AKAP6: variants seen among roughly 807,000 people sequenced by gnomAD.
The protein encoded by AKAP6 is A-kinase anchoring protein 6, also known as A-kinase anchor protein 6.
AKAP6 carries 58 observed loss-of-function variants against 188.5 expected under a neutral mutation model. That is an observed-to-expected ratio of 0.31 (90% CI 0.25 to 0.38). The LOEUF (loss-of-function observed/expected upper bound fraction) is 0.38, where lower values mean the gene tolerates loss of function less well. AKAP6 is among the 10% of genes least tolerant of loss of function. The pLI is 1.00. For synonymous variants in AKAP6, 989 were observed against 998.6 expected (o/e 0.99, Z 0.18); for missense variants, 2,710 against 2,740.0 (o/e 0.99, Z 0.24).
At chr14:32,417,611 G>A (rs1479788131) in intron 1 of AKAP6, among the ~76,000 whole-genome samples, 1 of 152,102 alleles carries the variant, frequency 6.6e-6, no homozygotes, top group African/African-American at 2.4e-5. Flanking sequence ...CAAAGTGAGA[G>A]GCTCAATAAA....
intron 3 of AKAP6, among the ~76,000 whole-genome samples, chr14:32,542,001 TA>T (rs1214837785): frequency 2.0e-5 from 3 of 152,206 alleles, no homozygotes; most frequent in Admixed American, 2.0e-4. Flanking sequence ...TTATTAAAAA[TA>T]ATAACGTAAT....
At chr14:32,733,499 A>T (rs1001703747) in intron 10 of AKAP6, 6 of 152,150 alleles carry the variant, frequency 3.9e-5, no homozygotes, top group Admixed American at 2.0e-4. Flanking sequence ...TTTAAAAAAA[A>T]TTTTAGATAA....
At chr14:32,679,241 G>T (rs1889570739) in intron 8 of AKAP6, among the ~76,000 whole-genome samples, 1 of 151,846 alleles carries the variant, frequency 6.6e-6, no homozygotes, top group Admixed American at 6.6e-5. Flanking sequence ...CTTTTTTCCA[G>T]CCCAATTGTA....
rs747393320 is a variant in AKAP6 at position 32,822,916 on chromosome 14, A to G, written c.5103A>G (p.Ser1701=). 10 of 1,613,950 alleles carry G rather than the reference A, an allele frequency of 6.2e-6. No homozygotes were observed. In the South Asian group the frequency reaches 7.7e-5, roughly 12 times the overall value. ...GCAGTGACGAGCTCTCTCTTTGCTC[A>G]GAGGATATTGTGTTACACAAGAACA... The part of the protein sequence containing the change: ...LSSSDELSLC[S]EDIVLHKNKI... The change falls in exon 13 of 14, where the codon TCA becomes TCG. Residue 1701 remains serine, a synonymous_variant. Coordinates refer to ENST00000280979, the MANE Select transcript of AKAP6 (RefSeq NM_004274.5).
intron 1 of AKAP6, among the ~76,000 whole-genome samples, chr14:32,415,064 A>T (rs184285450): frequency 6.6e-6 from 1 of 152,246 alleles, no homozygotes; most frequent in Non-Finnish European, 1.5e-5. Flanking sequence ...GGACAGAGAC[A>T]TAACTGGCAA....
chr14:32,456,619 C>T (rs1004097368), intron 2 of AKAP6, among the ~76,000 whole-genome samples: 17 of 152,138 alleles, frequency 1.1e-4, no homozygotes, highest in African/African-American at 4.1e-4. Flanking sequence ...TACATGTTAT[C>T]ATTCGATAAT....
intron 1 of AKAP6, among the ~76,000 whole-genome samples, chr14:32,380,831 C>T (rs561978224): frequency 3.2e-4 from 49 of 152,232 alleles, no homozygotes; most frequent in South Asian, 6.2e-4. Flanking sequence ...TTTAGAACTT[C>T]GACTTCTCAA....
intron 2 of AKAP6, among the ~76,000 whole-genome samples, chr14:32,441,220 A>G (rs1032438147): frequency 5.3e-5 from 8 of 152,190 alleles, no homozygotes; most frequent in Admixed American, 1.3e-4. Context: ...CTTCTTAGGG[A>G]AGTTGGATAC....
chr14:32,661,069 TG>T (rs1315377923), intron 7 of AKAP6, among the ~76,000 whole-genome samples: 2 of 151,802 alleles, frequency 1.3e-5, no homozygotes, highest in African/African-American at 4.8e-5. Context: ...CATTTCATTT[TG>T]GGAAATGTAG....
At chr14:32,672,473 C>T (rs1889249623) in intron 7 of AKAP6, among the ~76,000 whole-genome samples, 1 of 152,142 alleles carries the variant, frequency 6.6e-6, no homozygotes, top group African/African-American at 2.4e-5. Flanking sequence ...TCACAGATGG[C>T]CACCTTCTTG....
At position 32,834,869 on chromosome 14, in the gene AKAP6, G is replaced by C. The variant is rs1287956425; in HGVS notation, c.*5064G>C. On this transcript the variant is annotated 3_prime_UTR_variant, in exon 14 of 14. Coordinates refer to ENST00000280979, the MANE Select transcript of AKAP6 (RefSeq NM_004274.5). ...CAAGGGTCAGCAAACTGTGGCACGT[G>C]GGCCAAATTCAGCTCGTTGCCTGTT... 1 of 152,162 alleles carries C rather than the reference G, an allele frequency of 6.6e-6. No individual in the cohort carries two copies. Among genetic ancestry groups the C allele is most frequent in the Non-Finnish European group, 1.5e-5 (1 of 68,036 alleles). 9.4% of individuals were successfully genotyped at this position (152,162 alleles called of 1,614,324 possible). A position where few individuals can be genotyped will look rare whatever the true frequency, so the allele number is the denominator to read the frequency against.
intron 2 of AKAP6, among the ~76,000 whole-genome samples, chr14:32,483,897 A>G (rs1390287344): frequency 6.6e-6 from 1 of 151,798 alleles, no homozygotes; most frequent in African/African-American, 2.4e-5. Context: ...CGTCTACATT[A>G]GGTATTTCTC....
intron 1 of AKAP6, among the ~76,000 whole-genome samples, chr14:32,369,641 G>A (rs890349399): frequency 1.3e-5 from 2 of 152,148 alleles, no homozygotes; most frequent in African/African-American, 4.8e-5. Flanking sequence ...TTCCTCAACA[G>A]GTGAGGGAGA....
chr14:32,566,007 A>C (rs1017803063), intron 4 of AKAP6, among the ~76,000 whole-genome samples: 3 of 152,198 alleles, frequency 2.0e-5, no homozygotes, highest in Non-Finnish European at 2.9e-5. Context: ...GCTCCTGAGC[A>C]CTTGGGATGA....
At chr14:32,584,612 A>G (rs1158599453) in intron 5 of AKAP6, among the ~76,000 whole-genome samples, 1 of 152,196 alleles carries the variant, frequency 6.6e-6, no homozygotes, top group Non-Finnish European at 1.5e-5. Context: ...GTTCTTCATG[A>G]CACGTTGTAA....
chr14:32,709,264 C>T (rs1023040341), intron 9 of AKAP6, among the ~76,000 whole-genome samples: 1 of 151,856 alleles, frequency 6.6e-6, no homozygotes, highest in African/African-American at 2.4e-5. Flanking sequence ...TTGAGCTCAC[C>T]AAGTTCAGGA....
At chr14:32,335,832 T>C (rs1012403340) in intron 1 of AKAP6, among the ~76,000 whole-genome samples, 8 of 146,410 alleles carry the variant, frequency 5.5e-5, no homozygotes, top group Non-Finnish European at 1.0e-4. Flanking sequence ...TTTAATACTA[T>C]CCTTTTCTCC....
At chr14:32,481,459 G>A (rs931487802) in intron 2 of AKAP6, among the ~76,000 whole-genome samples, 1 of 152,164 alleles carries the variant, frequency 6.6e-6, no homozygotes, top group African/African-American at 2.4e-5. Flanking sequence ...TGGACTCACG[G>A]TTCTACATGG....
rs11417769 is a variant in AKAP6 at position 32,834,533 on chromosome 14, CTTTTTTTTTT to C, written c.*4740_*4749del. The C allele has an allele frequency of 3.0e-4, 31 of 103,852 alleles. No individual in the cohort carries two copies. Among genetic ancestry groups the C allele is most frequent in the African/African-American group, 1.0e-3 (28 of 27,436 alleles). 6.4% of individuals were successfully genotyped at this position (103,852 alleles called of 1,614,324 possible). On this transcript the variant is annotated 3_prime_UTR_variant, in exon 14 of 14. Transcript: ENST00000280979. ...CACACACTGCTTTTAGTTTCCAAGT[CTTTTTTTTTT>C]TTTTTTTTTTTAAATCTTGCATAGT... is the stretch of plus-strand genomic sequence containing the variant.
Sources: gnomAD v4.1 joint callset for allele counts (sites outside exome capture counted in the v4.1 genomes callset) on GRCh38, gnomAD v4.1.1 for gene constraint, MANE v1.5 for transcripts, NCBI Gene and HGNC (gene_info 2026-07-23, HGNC 2026-07-21) for gene names.